The following MARVELD3 variants were observed in gnomAD, a reference collection of about 807,000 sequenced individuals.
MARVELD3 encodes MARVEL domain containing 3.
A neutral mutation model predicts 33.5 loss-of-function variants in MARVELD3; 28 were observed. The observed-to-expected ratio is 0.84, with a 90% CI of 0.62 to 1.15. MARVELD3 has a LOEUF of 1.15. MARVELD3 is among the 50% of genes most tolerant of loss of function. The pLI is 0.00. For missense variants in MARVELD3, 582 were observed against 547.6 expected, an observed-to-expected ratio of 1.06 and a Z score of -0.63; for synonymous variants, 241 against 230.4, an observed-to-expected ratio of 1.05 and a Z score of -0.42.
At chr16:71,636,981 G>C (rs988070232), downstream of MARVELD3, among the ~76,000 whole-genome samples, 1 of 152,140 alleles carries the variant, frequency 6.6e-6, no homozygotes, top group African/African-American at 2.4e-5. Context: ...CCGGAGACGT[G>C]TCCCATCCCA....
chr16:71,629,811 A>C (rs1655898451), intron 2 of MARVELD3: 1 of 384,696 alleles, frequency 2.6e-6, no homozygotes, highest in Non-Finnish European at 4.6e-6. Flanking sequence ...ATGAGCTGCC[A>C]GCTGTCAGAG....
At position 71,626,258 on chromosome 16, in the gene MARVELD3, C is replaced by G. The variant is rs2044465303; in HGVS notation, c.29C>G (p.Pro10Arg). The change falls in exon 1 of 3, where the codon CCC (proline) becomes CGC (arginine). Residue 10 changes from proline to arginine, a missense_variant. Pro to Arg is a moderately radical substitution (Grantham distance 103). Transcript: ENST00000268485. This position sits in a 1 kb window ranked among gnomAD's most constrained non-coding sequence, Gnocchi z 5.3. MEDPSGARE[P>R]RARPRERDPG... ...GAAGATCCGTCGGGGGCTCGCGAGC[C>G]CCGGGCCCGGCCGAGAGAGCGGGAC... is the stretch of plus-strand genomic sequence containing the variant. 2.0e-6 allele frequency: 3 copies of G among 1,524,838 alleles called. No individual in the cohort carries two copies. In the African/African-American group the frequency reaches 4.2e-5, roughly 21 times the overall value. 94.5% of individuals were successfully genotyped at this position (1,524,838 alleles called of 1,614,324 possible). A position where few individuals can be genotyped will look rare whatever the true frequency, so the allele number is the denominator to read the frequency against.
In MARVELD3 at chr16:71,626,225, C is replaced by A. The variant is rs2044464638; in HGVS notation, c.-5C>A. ...CGCTCCCGGGCGGGGACACGGAACC[C>A]GGCCATGGAAGATCCGTCGGGGGCT... On this transcript the variant is annotated 5_prime_UTR_variant, in exon 1 of 3. Transcript: ENST00000268485. This position sits in a 1 kb window ranked among gnomAD's most constrained non-coding sequence, Gnocchi z 5.3. The A allele has an allele frequency of 1.4e-6, 2 of 1,465,238 alleles. No individual in the cohort carries two copies. The highest frequency in any genetic ancestry group is 1.4e-5 in the African/African-American group (1 of 69,686). 90.8% of individuals were successfully genotyped at this position (1,465,238 alleles called of 1,614,324 possible).
rs758607256 is a variant in MARVELD3, at chr16:71,634,546, T to A, written c.949T>A (p.Tyr317Asn). 4 of 1,613,628 alleles carry A rather than the reference T, an allele frequency of 2.5e-6. No homozygotes were observed. In the African/African-American group the frequency reaches 4.0e-5, roughly 16 times the overall value. The change falls in exon 3 of 3, where the codon TAC becomes AAC. Residue 317 changes from tyrosine to asparagine, a missense_variant. Physicochemically the swap from Tyr to Asn is moderately radical, Grantham distance 143. Transcript: ENST00000268485. ...GLLDMLIAGGYIPALYFYFHY... is the reference protein window; with the variant it reads ...GLLDMLIAGGNIPALYFYFHY... ...GTTGGACATGCTCATCGCGGGGGGG[T>A]ACATCCCGGCCTTGTACTTCTACTT... is the stretch of plus-strand genomic sequence containing the variant.
At position 71,626,226 on chromosome 16, in the gene MARVELD3, G is replaced by A. The variant is rs1484866130; in HGVS notation, c.-4G>A. The A allele has an allele frequency of 4.1e-6, 6 of 1,480,580 alleles. No individual in the cohort carries two copies. The highest frequency in any genetic ancestry group is 2.8e-5 in the South Asian group (2 of 72,334). 91.7% of individuals were successfully genotyped at this position (1,480,580 alleles called of 1,614,324 possible). A position where few individuals can be genotyped will look rare whatever the true frequency, so the allele number is the denominator to read the frequency against. ...GCTCCCGGGCGGGGACACGGAACCC[G>A]GCCATGGAAGATCCGTCGGGGGCTC... On this transcript the variant is annotated 5_prime_UTR_variant, in exon 1 of 3. Coordinates refer to ENST00000268485, the MANE Select transcript of MARVELD3 (RefSeq NM_052858.6). This position sits in a 1 kb window ranked among gnomAD's most constrained non-coding sequence, Gnocchi z 5.3.
Position 71,626,610 on chromosome 16 carries a change from C to T in MARVELD3, c.381C>T (p.Ala127=). 6.5e-7 allele frequency: 1 copy of T among 1,541,138 alleles called. No individual in the cohort carries two copies. Among genetic ancestry groups the T allele is most frequent in the Non-Finnish European group, 8.7e-7 (1 of 1,145,910 alleles). The change falls in exon 1 of 3, where the codon GCC becomes GCT. Residue 127 remains alanine, a synonymous_variant. Transcript: ENST00000268485. The surrounding 1 kb of genome is among the most constrained non-coding windows in gnomAD (Gnocchi z 5.3). ...DGARGLTWDA[A]APPGPAPWEA... is the part of the protein sequence containing the mutation. ...CCCGGGGACTGACCTGGGACGCAGC[C>T]GCGCCTCCTGGGCCCGCGCCCTGGG...
chr16:71,639,941 GAAAAC>G (rs969758868), downstream of MARVELD3, among the ~76,000 whole-genome samples: 45 of 152,232 alleles, frequency 3.0e-4, no homozygotes, highest in African/African-American at 7.5e-4. Context: ...AACATAGATT[GAAAAC>G]AAAACAAAAA....
At chr16:71,637,826 G>C (rs1040126572), downstream of MARVELD3, 3 of 152,120 alleles carry the variant, frequency 2.0e-5, no homozygotes, top group Admixed American at 1.3e-4. Context: ...TTACTGAGTA[G>C]CGTCACTATC....
intron 2 of MARVELD3, 124 bp downstream of exon 2, chr16:71,629,618 G>A (rs976429493): frequency 5.9e-6 from 3 of 510,422 alleles, no homozygotes; most frequent in African/African-American, 4.9e-5. Flanking sequence ...TTTCATTTCT[G>A]TACTTGTGAG....
chr16:71,641,228 G>A (rs1050803796), downstream of MARVELD3: 22 of 626,202 alleles, frequency 3.5e-5, no homozygotes, highest in Admixed American at 1.6e-4. Flanking sequence ...TGAGGTGGGC[G>A]GATCGCTTGA....
rs777706946 is a variant in MARVELD3, at chr16:71,634,560, G to GTACTTC, written c.970_975dup (p.Tyr324_Phe325dup). On this transcript the variant is annotated inframe_insertion, in exon 3 of 3. Coordinates refer to ENST00000268485, the MANE Select transcript of MARVELD3 (RefSeq NM_052858.6). ...TCGCGGGGGGGTACATCCCGGCCTTGTACTTCTACTTCCACTACCTCTCTG... is the reference window on the plus strand; with the variant it reads ...TCGCGGGGGGGTACATCCCGGCCTTGTACTTCTACTTCTACTTCCACTACCTCTCTG... The GTACTTC allele has an allele frequency of 1.2e-6, 2 of 1,614,178 alleles. No individual in the cohort carries two copies. The highest frequency in any genetic ancestry group is 2.2e-5 in the South Asian group (2 of 91,076).
chr16:71,626,705 G>C lies in MARVELD3; in HGVS notation c.467+9G>C. ...CGCCGCAGACCCGAAAGGTGAGAGG[G>C]GCCGGGGCGCTGCGACCTCCGCGCC... On this transcript the variant is annotated intron_variant, in intron 1 of 2. Coordinates refer to ENST00000268485, the MANE Select transcript of MARVELD3 (RefSeq NM_052858.6). This position sits in a 1 kb window ranked among gnomAD's most constrained non-coding sequence, Gnocchi z 5.3. 6.9e-7 allele frequency: 1 copy of C among 1,444,210 alleles called. No individual in the cohort carries two copies. Among genetic ancestry groups the C allele is most frequent in the Non-Finnish European group, 9.0e-7 (1 of 1,106,472 alleles). The allele number at this position is 1,444,210 out of a possible 1,614,324, so 89.5% of individuals were successfully genotyped here.
At chr16:71,634,073 C>G in intron 2 of MARVELD3, 120 bp from the exon 3 acceptor site, 5 of 1,479,520 alleles carry the variant, frequency 3.4e-6, no homozygotes, top group South Asian at 1.4e-5. Flanking sequence ...GGCCTCGGGT[C>G]TTCCACAGGG....
rs75670813 is a variant in MARVELD3, at chr16:71,632,073, T to C, written c.596-2120T>C. ...CACACACAAAAGGACATAACCGTATTATTCCATTAACATGATATTCTAGAA... is the reference window on the plus strand; with the variant it reads ...CACACACAAAAGGACATAACCGTATCATTCCATTAACATGATATTCTAGAA... On this transcript the variant is annotated intron_variant, in intron 2 of 2. Coordinates refer to ENST00000268485, the MANE Select transcript of MARVELD3 (RefSeq NM_052858.6). Among the ~76,000 whole-genome samples the C allele has an allele frequency of 5.1e-3, 778 of 152,338 alleles. 10 individuals carry two copies. Among genetic ancestry groups the C allele is most frequent in the African/African-American group, 0.018 (752 of 41,576 alleles).
intron 2 of MARVELD3, among the ~76,000 whole-genome samples, chr16:71,632,600 A>G (rs1295209170): frequency 6.7e-6 from 1 of 149,264 alleles, no homozygotes; most frequent in Non-Finnish European, 1.5e-5. Context: ...TTTTTTTTTT[A>G]TTTTTTATTT....
chr16:71,641,028 G>T, downstream of MARVELD3: 1 of 1,596,072 alleles, frequency 6.3e-7, no homozygotes, highest in South Asian at 1.1e-5. Context: ...AACTCTTTGA[G>T]ATCTTCCGGA....
chr16:71,633,577 T>G (rs2044552602), intron 2 of MARVELD3, among the ~76,000 whole-genome samples: 1 of 152,034 alleles, frequency 6.6e-6, no homozygotes, highest in African/African-American at 2.4e-5. Flanking sequence ...TATTTTTTAG[T>G]AAAGACAGGG....
intron 2 of MARVELD3, among the ~76,000 whole-genome samples, chr16:71,633,265 G>A (rs1221062766): frequency 6.6e-6 from 1 of 152,038 alleles, no homozygotes; most frequent in East Asian, 2.0e-4. Context: ...GGGAGGCTGA[G>A]GCAGGATGAT....
chr16:71,630,601 G>C (rs1218675453), intron 2 of MARVELD3, among the ~76,000 whole-genome samples: 1 of 150,574 alleles, frequency 6.6e-6, no homozygotes, highest in South Asian at 2.1e-4. Flanking sequence ...TCTAGCCTGG[G>C]CAACAAGAGC....
Sources: allele counts gnomAD v4.1 joint callset (sites outside exome capture counted in the v4.1 genomes callset), GRCh38; gene constraint gnomAD v4.1.1; non-coding constraint Gnocchi (gnomAD v3.1); transcripts MANE v1.5; gene names NCBI Gene and HGNC (gene_info 2026-07-23, HGNC 2026-07-21).